ASPH: variants seen among roughly 807,000 people sequenced by gnomAD.
The protein encoded by ASPH is aspartate beta-hydroxylase.
In ASPH, 100 loss-of-function variants were observed where a neutral mutation model predicts 118.4. The observed-to-expected ratio is 0.84, with a 90% CI of 0.72 to 1.00. The LOEUF (loss-of-function observed/expected upper bound fraction) is 1.00, where lower values mean the gene tolerates loss of function less well. ASPH is among the 50% of genes least tolerant of loss of function. The pLI, the probability that ASPH is intolerant of heterozygous loss-of-function variation, is 0.00. For synonymous variants in ASPH, 315 were observed against 325.6 expected (o/e 0.97, Z 0.35); for missense variants, 920 against 919.5 (o/e 1.00, Z -0.01).
At chr8:61,585,048 C>T (rs2350620) in intron 14 of ASPH, among the ~76,000 whole-genome samples, 79,740 of 152,104 alleles carry the variant, frequency 0.52, 23,554 homozygotes, top group Non-Finnish European at 0.67. Flanking sequence ...TAATCCTTCA[C>T]GCGCTTATCT....
intron 24 of ASPH, among the ~76,000 whole-genome samples, chr8:61,510,546 G>A (rs1239482854): frequency 6.6e-6 from 1 of 152,030 alleles, no homozygotes; most frequent in Admixed American, 6.6e-5. Flanking sequence ...TTCACCAATC[G>A]GTTCAACAAA....
chr8:61,699,664 A>G (rs1286723069), intron 1 of ASPH, among the ~76,000 whole-genome samples: 2 of 152,196 alleles, frequency 1.3e-5, no homozygotes, highest in Non-Finnish European at 2.9e-5. Context: ...TCCTAAGAAA[A>G]ATTTTTAAAA....
At chr8:61,706,895 C>G (rs959889754) in intron 1 of ASPH, among the ~76,000 whole-genome samples, 3 of 152,158 alleles carry the variant, frequency 2.0e-5, no homozygotes, top group African/African-American at 7.2e-5. Context: ...ACTAACAGTA[C>G]AGGACATTCT....
chr8:61,639,663 C>A (rs143372596), intron 10 of ASPH, among the ~76,000 whole-genome samples: 2 of 152,148 alleles, frequency 1.3e-5, no homozygotes, highest in African/African-American at 2.4e-5. Flanking sequence ...TCCTGATGAC[C>A]ACGTAACTAC....
chr8:61,694,154 C>A (rs566743473), intron 1 of ASPH, among the ~76,000 whole-genome samples: 2 of 152,274 alleles, frequency 1.3e-5, no homozygotes, highest in East Asian at 1.9e-4. Flanking sequence ...GAAAACAGAA[C>A]CCTCAGCAGG....
intron 21 of ASPH, among the ~76,000 whole-genome samples, chr8:61,546,501 G>A (rs1254872485): frequency 6.6e-6 from 1 of 152,156 alleles, no homozygotes; most frequent in Non-Finnish European, 1.5e-5. Context: ...AAATGTAGCC[G>A]ACCTATCAAG....
chr8:61,619,087 C>A lies in ASPH; in HGVS notation c.935-68G>T, dbSNP rs571270399. 3.0e-5 allele frequency: 33 copies of A among 1,113,690 alleles called. No homozygotes were observed. In the African/African-American group the frequency reaches 4.6e-4, roughly 15 times the overall value. 69.0% of individuals were successfully genotyped at this position (1,113,690 alleles called of 1,614,324 possible). A position where few individuals can be genotyped will look rare whatever the true frequency, so the allele number is the denominator to read the frequency against. On this transcript the variant is annotated intron_variant, in intron 13 of 24. Transcript: ENST00000379454. ...CCATTCAGTATCTCAAAATATAGGA[C>A]AATATTTAAATGAATTCAATAAGTA...
intron 13 of ASPH, chr8:61,624,761 A>G (rs1852127012): frequency 1.0e-6 from 1 of 985,720 alleles, no homozygotes; most frequent in Admixed American, 6.2e-5. Flanking sequence ...CTCATTCATC[A>G]GTTCTATGTC....
At chr8:61,522,003 G>T (rs997686015) in intron 22 of ASPH, among the ~76,000 whole-genome samples, 4 of 152,098 alleles carry the variant, frequency 2.6e-5, no homozygotes, top group Non-Finnish European at 1.5e-5. Flanking sequence ...GGCTGTTGGG[G>T]TCAGTTAGCA....
chr8:61,688,259 G>C (rs1831333514), intron 1 of ASPH, among the ~76,000 whole-genome samples: 1 of 152,104 alleles, frequency 6.6e-6, no homozygotes, highest in African/African-American at 2.4e-5. Flanking sequence ...GTAGTTCTGG[G>C]ATCAGTCAAA....
At chr8:61,627,413 C>T (rs552489318) in intron 13 of ASPH, among the ~76,000 whole-genome samples, 6 of 152,286 alleles carry the variant, frequency 3.9e-5, no homozygotes, top group African/African-American at 7.2e-5. Flanking sequence ...AGAGTGGTTA[C>T]CTCTGGTTGG....
intron 20 of ASPH, 143 bp downstream of exon 20, chr8:61,552,888 A>G (rs572953638): frequency 3.1e-6 from 2 of 640,668 alleles, no homozygotes; most frequent in East Asian, 5.8e-5. Context: ...TTCCAAAGAT[A>G]GTTTAAGTAA....
At chr8:61,531,432 A>T (rs1269976806) in intron 21 of ASPH, among the ~76,000 whole-genome samples, 1 of 152,126 alleles carries the variant, frequency 6.6e-6, no homozygotes, top group East Asian at 1.9e-4. Context: ...GAATTCTGAA[A>T]GTGTCTCAAG....
intron 14 of ASPH, among the ~76,000 whole-genome samples, chr8:61,597,612 CAAAG>C (rs933715041): frequency 6.6e-6 from 1 of 151,682 alleles, no homozygotes; most frequent in African/African-American, 2.4e-5. Flanking sequence ...AAGTGAAAGA[CAAAG>C]AGAAAATTAT....
chr8:61,675,737 A>G, intron 3 of ASPH: 1 of 1,072,976 alleles, frequency 9.3e-7, no homozygotes. Context: ...TAACCACAAC[A>G]CAATTTGCTG....
intron 16 of ASPH, 121 bp from the exon 17 acceptor site, chr8:61,567,439 C>G: frequency 9.5e-7 from 1 of 1,048,914 alleles, no homozygotes; most frequent in Non-Finnish European, 1.3e-6. Context: ...ACACGTTAGC[C>G]TTTTCTCCTT....
intron 1 of ASPH, among the ~76,000 whole-genome samples, chr8:61,712,241 G>A (rs1402044601): frequency 1.3e-5 from 2 of 152,126 alleles, no homozygotes; most frequent in South Asian, 2.1e-4. Flanking sequence ...CACAACGTCC[G>A]TACTTTAATG....
intron 13 of ASPH, chr8:61,624,138 CAAT>C (rs1300395240): frequency 1.3e-6 from 1 of 780,340 alleles, no homozygotes; most frequent in Non-Finnish European, 1.6e-6. Flanking sequence ...CTATAGCCAA[CAAT>C]AATTTATTGT....
At chr8:61,607,051 C>T (rs1845791073) in intron 14 of ASPH, 3 of 461,302 alleles carry the variant, frequency 6.5e-6, no homozygotes, top group Non-Finnish European at 1.1e-5. Flanking sequence ...GTCATTTCCT[C>T]CTTGGTGTTC....
Sources: allele counts gnomAD v4.1 joint callset (sites outside exome capture counted in the v4.1 genomes callset), GRCh38; gene constraint gnomAD v4.1.1; transcripts MANE v1.5; gene names NCBI Gene and HGNC (gene_info 2026-07-23, HGNC 2026-07-21).